Variants in TP63 observed in about 807,000 individuals in gnomAD.
TP63 encodes the protein tumor protein p63.
A neutral mutation model predicts 82.8 loss-of-function variants in TP63; 17 were observed. That is an observed-to-expected ratio of 0.21 (90% CI 0.14 to 0.31). TP63 has a LOEUF of 0.31. Ranked by LOEUF, TP63 falls within the 10% of genes least tolerant of loss-of-function variation. The pLI, the probability that TP63 is intolerant of heterozygous loss-of-function variation, is 1.00. For synonymous variants in TP63, 330 were observed against 321.7 expected, an observed-to-expected ratio of 1.03 and a Z score of -0.28; for missense variants, 648 against 895.3, an observed-to-expected ratio of 0.72 and a Z score of 3.52.
chr3:189,799,849 T>G (rs1171312007), intron 3 of TP63, among the ~76,000 whole-genome samples: 1 of 152,174 alleles, frequency 6.6e-6, no homozygotes, highest in South Asian at 2.1e-4. Context: ...AAAGAGATAC[T>G]TTCTGCAAGT....
At chr3:189,841,294 G>A (rs934363477) in intron 4 of TP63, among the ~76,000 whole-genome samples, 1 of 152,138 alleles carries the variant, frequency 6.6e-6, no homozygotes, top group Admixed American at 6.5e-5. Flanking sequence ...AGGGAATACA[G>A]GTGACTTTCT....
chr3:189,677,427 TATATAC>T (rs1259168377), intron 1 of TP63, among the ~76,000 whole-genome samples: 1 of 136,866 alleles, frequency 7.3e-6, no homozygotes, highest in Non-Finnish European at 1.6e-5. Flanking sequence ...CACGTATACA[TATATAC>T]ATATATATAT....
chr3:189,624,021 A>G, the TP63 span, among the ~76,000 whole-genome samples: 2 of 152,176 alleles, frequency 1.3e-5, no homozygotes, highest in African/African-American at 4.8e-5. Context: ...GGAACTTCAC[A>G]TTATACAGTT....
At chr3:189,685,386 A>G (rs2108704826) in intron 1 of TP63, among the ~76,000 whole-genome samples, 1 of 152,068 alleles carries the variant, frequency 6.6e-6, no homozygotes, top group East Asian at 1.9e-4. Context: ...TAAGTCCAGT[A>G]TTTTCCTTTT....
rs974902580 is a variant in TP63, at chr3:189,894,817, T to C, written c.*315T>C. ...TGACTTTTATAAAGCATGTTCACCC[T>C]TATAGTCTAAGACTATATATATAAA... On this transcript the variant is annotated 3_prime_UTR_variant, in exon 14 of 14. Transcript: ENST00000264731. 7 of 402,030 alleles carry C rather than the reference T, an allele frequency of 1.7e-5. No individual in the cohort carries two copies. Among genetic ancestry groups the C allele is most frequent in the Non-Finnish European group, 4.6e-6 (1 of 217,488 alleles). 24.9% of individuals were successfully genotyped at this position (402,030 alleles called of 1,614,324 possible).
At chr3:189,631,628 G>A (rs1729463669) in intron 1 of TP63, 51 bp downstream of exon 1, 1 of 1,611,186 alleles carries the variant, frequency 6.2e-7, no homozygotes, top group African/African-American at 1.3e-5. Flanking sequence ...GAAGTGCCTT[G>A]TGTATTATGA....
At chr3:189,720,717 A>G (rs1486620000) in intron 1 of TP63, among the ~76,000 whole-genome samples, 1 of 146,080 alleles carries the variant, frequency 6.8e-6, no homozygotes, top group African/African-American at 2.5e-5. Flanking sequence ...CTGGGCAACA[A>G]GAGTGAAACT....
intron 1 of TP63, among the ~76,000 whole-genome samples, chr3:189,714,026 C>T (rs1321779805): frequency 6.6e-6 from 1 of 152,074 alleles, no homozygotes; most frequent in African/African-American, 2.4e-5. Context: ...ACATCTGAAA[C>T]CTAAAAGCAA....
intron 5 of TP63, 140 bp downstream of exon 5, chr3:189,864,558 T>C (rs1326010692): frequency 1.2e-6 from 1 of 850,538 alleles, no homozygotes; most frequent in Non-Finnish European, 1.7e-6. Context: ...TTTTTTTTTT[T>C]TTTTTTTGGC....
intron 3 of TP63, among the ~76,000 whole-genome samples, chr3:189,761,996 C>A (rs1249987515): frequency 6.6e-6 from 1 of 152,290 alleles, no homozygotes; most frequent in South Asian, 2.1e-4. Flanking sequence ...AATTACCTTC[C>A]ACAGGGTGTC....
At chr3:189,686,124 G>A (rs1340888658) in intron 1 of TP63, among the ~76,000 whole-genome samples, 1 of 152,166 alleles carries the variant, frequency 6.6e-6, no homozygotes, top group Non-Finnish European at 1.5e-5. Flanking sequence ...AGAGTGCAGA[G>A]CTGTGACTCG....
chr3:189,652,907 A>G lies in TP63; in HGVS notation c.62+21330A>G, dbSNP rs1037466610. ...AGATATGTTTGCTTCTCCTACTGCC[A>G]TGACTGTAAGTTTCCTGAGGACTCC... On this transcript the variant is annotated intron_variant, in intron 1 of 13. Transcript: ENST00000264731. Among the ~76,000 whole-genome samples, 10 of 146,858 alleles carry G rather than the reference A, an allele frequency of 6.8e-5. 1 individual carries two copies. The highest frequency in any genetic ancestry group is 2.6e-4 in the African/African-American group (10 of 39,130).
intron 10 of TP63, among the ~76,000 whole-genome samples, chr3:189,882,016 A>AT (rs1200740037): frequency 1.0e-4 from 11 of 105,018 alleles, no homozygotes; most frequent in Non-Finnish European, 1.9e-4. Flanking sequence ...AGAAGTTCTA[A>AT]CCAAAAAAAA....
intron 10 of TP63, chr3:189,880,263 A>G: frequency 6.9e-7 from 1 of 1,441,852 alleles, no homozygotes; most frequent in Non-Finnish European, 9.2e-7. Flanking sequence ...GTGCGTGTGT[A>G]TCTAGCCCTC....
At chr3:189,806,384 C>CA (rs1726908252) in intron 3 of TP63, among the ~76,000 whole-genome samples, 1 of 152,130 alleles carries the variant, frequency 6.6e-6, no homozygotes, top group Non-Finnish European at 1.5e-5. Flanking sequence ...TAGGGAGGCA[C>CA]GTGCCTTTGG....
chr3:189,623,652 T>C, the TP63 span, among the ~76,000 whole-genome samples: 1 of 152,202 alleles, frequency 6.6e-6, no homozygotes, highest in African/African-American at 2.4e-5. Context: ...AGAATATTCA[T>C]GTTGAATCCA....
intron 4 of TP63, among the ~76,000 whole-genome samples, chr3:189,819,345 C>T (rs1340233859): frequency 6.6e-6 from 1 of 151,782 alleles, no homozygotes; most frequent in African/African-American, 2.4e-5. Flanking sequence ...GCACAATGTG[C>T]AGGTTTGTTA....
chr3:189,853,397 T>A (rs1309898442), intron 4 of TP63, among the ~76,000 whole-genome samples: 1 of 152,188 alleles, frequency 6.6e-6, no homozygotes, highest in Non-Finnish European at 1.5e-5. Flanking sequence ...CTCCTACCAC[T>A]GCAGGCTTTG....
At chr3:189,879,997 T>C in intron 10 of TP63, 1 of 1,577,484 alleles carries the variant, frequency 6.3e-7, no homozygotes, top group Non-Finnish European at 8.6e-7. Flanking sequence ...TGTTTCTGAA[T>C]TCAATTGATT....
Sources: allele counts gnomAD v4.1 joint callset (sites outside exome capture counted in the v4.1 genomes callset), GRCh38; gene constraint gnomAD v4.1.1; transcripts MANE v1.5; gene names NCBI Gene and HGNC (gene_info 2026-07-23, HGNC 2026-07-21).